The following COL21A1 variants were observed in gnomAD, a reference collection of about 807,000 sequenced individuals.
COL21A1 encodes collagen type XXI alpha 1 chain.
COL21A1 carries 149 observed loss-of-function variants against 137.9 expected under a neutral mutation model. The observed-to-expected ratio is 1.08, with a 90% CI of 0.95 to 1.24. The LOEUF (loss-of-function observed/expected upper bound fraction) is 1.24. COL21A1 is among the 50% of genes most tolerant of loss of function. The pLI, the probability that COL21A1 is intolerant of heterozygous loss-of-function variation, is 0.00. For synonymous variants in COL21A1, 456 were observed against 391.5 expected (o/e 1.16, Z -1.95); for missense variants, 1,167 against 1,158.4 (o/e 1.01, Z -0.11).
intron 1 of COL21A1, among the ~76,000 whole-genome samples, chr6:56,297,349 GT>G (rs562712945): frequency 1.3e-4 from 20 of 151,868 alleles, no homozygotes; most frequent in Non-Finnish European, 2.2e-4. Context: ...TTACTTCATT[GT>G]TTTTTTTATT....
chr6:56,345,424 A>T (rs975635368), intron 1 of COL21A1, among the ~76,000 whole-genome samples: 18 of 152,210 alleles, frequency 1.2e-4, no homozygotes, highest in African/African-American at 3.6e-4. Flanking sequence ...CTGTACAAGA[A>T]TTATCTCCTT....
At position 56,273,228 on chromosome 6, in the gene COL21A1, A is replaced by G. The variant is rs148486429; in HGVS notation, c.-38-90572T>C. 4.9e-3 allele frequency among the ~76,000 whole-genome samples: 745 copies of G among 152,338 alleles called. 6 individuals carry two copies. The highest frequency in any genetic ancestry group is 0.017 in the African/African-American group (687 of 41,582). On this transcript the variant is annotated intron_variant, in intron 1 of 28. Transcript: ENST00000370819. ...CAACTTACCAAAATCTCTGGGATTCAGCCAAAGCAGTGTTAAGAGGAAACT... is the reference window on the plus strand; with the variant it reads ...CAACTTACCAAAATCTCTGGGATTCGGCCAAAGCAGTGTTAAGAGGAAACT...
chr6:56,061,143 ATATGTAAGG>A, intron 25 of COL21A1, 106 bp from the exon 26 acceptor site: 1 of 913,304 alleles, frequency 1.1e-6, no homozygotes, highest in Non-Finnish European at 1.6e-6. Flanking sequence ...ACATATGTAA[ATATGTAAGG>A]TATGTAAGGA....
chr6:56,179,983 C>T lies in COL21A1; in HGVS notation c.235G>A (p.Val79Ile). ...AGCACAGGGTAGTCACTATATTGAA[C>T]CACTCCAACTTGAATAAACTTCGGC... ...IGPKFIQVGV[V>I]QYSDYPVLEI... The change falls in exon 3 of 30, where the codon GTT becomes ATT. Residue 79 changes from valine (V) to isoleucine (I), a missense_variant. Physicochemically the swap from Val to Ile is conservative, Grantham distance 29 (BLOSUM62 3). Coordinates refer to ENST00000244728, the MANE Select transcript of COL21A1 (RefSeq NM_030820.4). The T allele has an allele frequency of 6.2e-7, 1 of 1,613,890 alleles. No homozygotes were observed.
At chr6:56,306,467 T>G (rs1054900400) in intron 1 of COL21A1, among the ~76,000 whole-genome samples, 1 of 152,208 alleles carries the variant, frequency 6.6e-6, no homozygotes, top group African/African-American at 2.4e-5. Flanking sequence ...TCTTCTTGCT[T>G]CATTTCATTC....
chr6:56,255,297 T>C (rs1473890961), intron 1 of COL21A1, among the ~76,000 whole-genome samples: 1 of 151,830 alleles, frequency 6.6e-6, no homozygotes, highest in Non-Finnish European at 1.5e-5. Context: ...AAAATCTTTT[T>C]TTCCTAACCT....
At chr6:56,067,374 T>G in intron 22 of COL21A1, 44 bp from the exon 23 acceptor site, 1 of 1,531,420 alleles carries the variant, frequency 6.5e-7, no homozygotes, top group Non-Finnish European at 9.0e-7. Context: ...TAGCATATTC[T>G]GTACAGTTTC....
intron 10 of COL21A1, among the ~76,000 whole-genome samples, chr6:56,143,519 A>T (rs1458527303): frequency 6.6e-6 from 1 of 152,022 alleles, no homozygotes; most frequent in Non-Finnish European, 1.5e-5. Flanking sequence ...ATTTTTTATC[A>T]CCAACCATCA....
intron 9 of COL21A1, 112 bp from the exon 10 acceptor site, chr6:56,157,061 A>G (rs1582508263): frequency 1.6e-6 from 1 of 625,044 alleles, no homozygotes; most frequent in Non-Finnish European, 2.6e-6. Context: ...TTTGTATGTT[A>G]AAAACAAAAG....
rs1344232643 is a variant in COL21A1, at chr6:56,097,926, T to A, written c.1812+3546A>T. 2.3e-3 allele frequency among the ~76,000 whole-genome samples: 220 copies of A among 96,020 alleles called. 10 individuals are homozygous for A. The highest frequency in any genetic ancestry group is 8.7e-3 in the African/African-American group (198 of 22,750). 63.0% of individuals were successfully genotyped at this position (96,020 alleles called of 152,430 possible). On this transcript the variant is annotated intron_variant, in intron 17 of 29. Transcript: ENST00000244728. ...AAATATATAAATATATATAAATATA[T>A]AAATATATAAAAATATATATAAATA... is the stretch of plus-strand genomic sequence containing the variant.
intron 1 of COL21A1, among the ~76,000 whole-genome samples, chr6:56,309,125 C>G (rs1165337839): frequency 6.6e-6 from 1 of 151,784 alleles, no homozygotes; most frequent in Admixed American, 6.6e-5. Flanking sequence ...TCACTGCAAC[C>G]TCTGCCTCCC....
intron 1 of COL21A1, among the ~76,000 whole-genome samples, chr6:56,267,499 G>C (rs932853314): frequency 6.6e-6 from 1 of 152,112 alleles, no homozygotes; most frequent in Non-Finnish European, 1.5e-5. Flanking sequence ...ACTCATGCCT[G>C]TAATCCCAGC....
At chr6:56,136,872 A>G (rs976372994) in intron 12 of COL21A1, among the ~76,000 whole-genome samples, 7 of 152,110 alleles carry the variant, frequency 4.6e-5, no homozygotes. Flanking sequence ...TAGACCATGA[A>G]CACTCCTATG....
chr6:56,083,570 A>G (rs1167542109), intron 17 of COL21A1, among the ~76,000 whole-genome samples: 2 of 151,958 alleles, frequency 1.3e-5, no homozygotes, highest in Non-Finnish European at 2.9e-5. Flanking sequence ...AATTATGGCT[A>G]TCTTTGGGGA....
At chr6:56,311,017 A>T (rs755849826) in intron 1 of COL21A1, among the ~76,000 whole-genome samples, 16 of 152,234 alleles carry the variant, frequency 1.1e-4, no homozygotes, top group Non-Finnish European at 2.2e-4. Flanking sequence ...GCCAGGAATA[A>T]TATACGGCTA....
Position 56,125,559 on chromosome 6 carries a change from A to G in COL21A1, c.1650+8T>C, listed in dbSNP as rs528003403. On this transcript the variant is annotated splice_region_variant and intron_variant, in intron 14 of 29. Transcript: ENST00000244728. ...ATATGAATACTTTGTTGTGTGATCT[A>G]TACTTCCCTTTTTGCCATAAAATCC... 1.6e-4 allele frequency: 249 copies of G among 1,594,486 alleles called. 4 individuals are homozygous for G. The South Asian group carries it at 2.6e-3, about 17-fold the overall frequency.
chr6:56,317,596 C>A (rs1764766412), intron 1 of COL21A1, among the ~76,000 whole-genome samples: 1 of 152,142 alleles, frequency 6.6e-6, no homozygotes, highest in East Asian at 1.9e-4. Context: ...TGTCCTTCAT[C>A]CTGGCTCAAC....
chr6:56,136,758 G>A (rs1774035365), intron 12 of COL21A1, among the ~76,000 whole-genome samples: 1 of 152,064 alleles, frequency 6.6e-6, no homozygotes, highest in Admixed American at 6.6e-5. Context: ...TTTTATATAT[G>A]AGTCTACATG....
intron 1 of COL21A1, among the ~76,000 whole-genome samples, chr6:56,245,424 A>T (rs1056319350): frequency 3.3e-5 from 5 of 152,214 alleles, no homozygotes; most frequent in African/African-American, 1.2e-4. Flanking sequence ...GAGGATGTCC[A>T]TATAGTCACC....
Sources: gnomAD v4.1 joint callset for allele counts (sites outside exome capture counted in the v4.1 genomes callset) on GRCh38, gnomAD v4.1.1 for gene constraint, MANE v1.5 for transcripts, NCBI Gene and HGNC (gene_info 2026-07-23, HGNC 2026-07-21) for gene names.